Variants in ATP5PF observed in about 807,000 individuals in gnomAD.
The protein encoded by ATP5PF is ATP synthase peripheral stalk subunit F6, mitochondrial.
Under a neutral mutation model 12.0 loss-of-function variants are expected in ATP5PF, and 7 were observed. That is an observed-to-expected ratio of 0.58 (90% CI 0.33 to 1.10). The LOEUF (loss-of-function observed/expected upper bound fraction) is 1.10, where lower values mean the gene tolerates loss of function less well. Ranked by LOEUF, ATP5PF falls within the 50% of genes least tolerant of loss-of-function variation. The pLI is 0.03. For synonymous variants in ATP5PF, 41 were observed against 45.4 expected, an observed-to-expected ratio of 0.90 and a Z score of 0.39; for missense variants, 120 against 127.7, an observed-to-expected ratio of 0.94 and a Z score of 0.29.
chr21:25,728,630 T>G (rs2034678124), intron 2 of ATP5PF, among the ~76,000 whole-genome samples: 1 of 152,190 alleles, frequency 6.6e-6, no homozygotes, highest in South Asian at 2.1e-4. Flanking sequence ...GAAAATGATG[T>G]GAGTAAATTC....
At chr21:25,735,050 A>AC (rs1353297029), upstream of ATP5PF, 2 of 1,314,556 alleles carry the variant, frequency 1.5e-6, no homozygotes, top group Admixed American at 4.0e-5. Flanking sequence ...ACAGAAGCCA[A>AC]ACAGGAGGAG....
At chr21:25,731,948 CTTCA>C (rs1206779468) in intron 1 of ATP5PF, among the ~76,000 whole-genome samples, 2 of 152,102 alleles carry the variant, frequency 1.3e-5, no homozygotes, top group African/African-American at 2.4e-5. Context: ...TTTTAAGTGA[CTTCA>C]TTGTTTTGTT....
intron 3 of ATP5PF, chr21:25,724,916 TC>T (rs2034575936): frequency 3.4e-6 from 2 of 583,984 alleles, no homozygotes; most frequent in East Asian, 6.2e-5. Context: ...ACTATAATTC[TC>T]CCCAAATGTC....
intron 2 of ATP5PF, among the ~76,000 whole-genome samples, chr21:25,726,947 C>T (rs1205954499): frequency 6.6e-6 from 1 of 152,160 alleles, no homozygotes; most frequent in African/African-American, 2.4e-5. Context: ...ATCAATATTT[C>T]TTGTTAGAGA....
rs865802985 is a variant in ATP5PF, at chr21:25,734,239, G to A, written c.-8+614C>T. On this transcript the variant is annotated intron_variant, in intron 1 of 3. Transcript: ENST00000284971. Reference sequence around the variant, plus strand: ...CATATGATAGCGTCTGACATGATCAGAAAGACTGGGGAAGGCAACAGTAAG... The same window carrying A: ...CATATGATAGCGTCTGACATGATCAAAAAGACTGGGGAAGGCAACAGTAAG... 105 of 827,508 alleles carry A rather than the reference G, an allele frequency of 1.3e-4. No homozygotes were observed. In the Middle Eastern group the frequency reaches 4.3e-3, roughly 34 times the overall value. The allele number at this position is 827,508 out of a possible 1,614,324, so 51.3% of individuals were successfully genotyped here.
At chr21:25,726,683 A>G (rs1477366314) in intron 2 of ATP5PF, among the ~76,000 whole-genome samples, 2 of 152,338 alleles carry the variant, frequency 1.3e-5, no homozygotes, top group East Asian at 1.9e-4. Flanking sequence ...GGGAAAATAA[A>G]TATAGCATTA....
chr21:25,725,730 C>T (rs1026881208), intron 2 of ATP5PF, among the ~76,000 whole-genome samples: 6 of 152,248 alleles, frequency 3.9e-5, no homozygotes, highest in African/African-American at 1.4e-4. Context: ...TGAGCCACCA[C>T]ACCCGGCCAA....
chr21:25,734,817 A>G, intron 1 of ATP5PF, 36 bp downstream of exon 1: 7 of 1,523,130 alleles, frequency 4.6e-6, no homozygotes, highest in Non-Finnish European at 6.2e-6. Flanking sequence ...CTGGAGTCCC[A>G]AAAGGCCACG....
At chr21:25,731,816 G>A (rs1169813998) in intron 1 of ATP5PF, among the ~76,000 whole-genome samples, 1 of 152,158 alleles carries the variant, frequency 6.6e-6, no homozygotes, top group East Asian at 1.9e-4. Context: ...CAGGCGAGGT[G>A]GCTCATGCCT....
At chr21:25,725,162 AG>A in intron 3 of ATP5PF, 63 bp downstream of exon 3, 1 of 1,536,934 alleles carries the variant, frequency 6.5e-7, no homozygotes, top group Admixed American at 2.0e-5. Flanking sequence ...CTAAAAATCC[AG>A]GTAAGTGTAA....
At chr21:25,727,995 C>A (rs2034662081) in intron 2 of ATP5PF, among the ~76,000 whole-genome samples, 1 of 152,114 alleles carries the variant, frequency 6.6e-6, no homozygotes, top group African/African-American at 2.4e-5. Context: ...TTGTTAGTTA[C>A]CTCGCCTCAA....
At chr21:25,734,445 C>G in intron 1 of ATP5PF, 1 of 908,506 alleles carries the variant, frequency 1.1e-6, no homozygotes, top group Non-Finnish European at 1.3e-6. Context: ...TGCAAACTTT[C>G]AATATTATGA....
Position 25,725,283 on chromosome 21 carries a change from G to A in ATP5PF, c.232C>T (p.Leu78Phe). 1 of 1,613,276 alleles carries A rather than the reference G, an allele frequency of 6.2e-7. No homozygotes were observed. The highest frequency in any genetic ancestry group is 2.2e-5 in the East Asian group (1 of 44,852). The change falls in exon 3 of 4, where the codon CTC becomes TTC. Residue 78 changes from leucine to phenylalanine, a missense_variant. Leu to Phe is a conservative substitution (Grantham distance 22). Coordinates refer to ENST00000284971, the MANE Select transcript of ATP5PF (RefSeq NM_001003703.2). ...QQELERELFKLKQMFGNADMN... is the reference protein window; with the variant it reads ...QQELERELFKFKQMFGNADMN... Reference sequence around the variant, plus strand: ...TCTGCATTACCAAACATTTGCTTGAGCTTAAAAAGCTCCCTCTCCAGCTCT... The same window carrying A: ...TCTGCATTACCAAACATTTGCTTGAACTTAAAAAGCTCCCTCTCCAGCTCT...
chr21:25,724,943 C>T (rs1303395630), intron 3 of ATP5PF: 6 of 583,898 alleles, frequency 1.0e-5, no homozygotes, highest in Admixed American at 3.6e-5. Flanking sequence ...AGGAGACATG[C>T]ACCAGTTAAT....
intron 2 of ATP5PF, among the ~76,000 whole-genome samples, chr21:25,728,483 C>T (rs1206455514): frequency 6.6e-6 from 1 of 152,120 alleles, no homozygotes; most frequent in Non-Finnish European, 1.5e-5. Context: ...TTCTTTCCTC[C>T]TAAAAGATAC....
chr21:25,732,994 A>AAG lies in ATP5PF; in HGVS notation c.-8+1858_-8+1859insCT, dbSNP rs1394098521. Among the ~76,000 whole-genome samples the AAG allele has an allele frequency of 4.7e-5, 7 of 150,230 alleles. No homozygotes were observed. In the East Asian group the frequency reaches 1.4e-3, roughly 29 times the overall value. On this transcript the variant is annotated intron_variant, in intron 1 of 3. Coordinates refer to ENST00000284971, the MANE Select transcript of ATP5PF (RefSeq NM_001003703.2). ...GAGTGAAACTCTGTCTCAAAAAAAA[A>AAG]AAAAAAAAAAAAAAAAAAGAAATCC...
chr21:25,732,589 T>C (rs990478078), intron 1 of ATP5PF, among the ~76,000 whole-genome samples: 12 of 148,636 alleles, frequency 8.1e-5, no homozygotes, highest in African/African-American at 3.0e-4. Context: ...GAAGCTGCAG[T>C]GAGCTGTGAT....
In ATP5PF at chr21:25,725,330, T is replaced by G. The variant is rs182225698; in HGVS notation, c.185A>C (p.Asp62Ala). The G allele has an allele frequency of 1.2e-6, 2 of 1,606,206 alleles. No homozygotes were observed. The highest frequency in any genetic ancestry group is 2.2e-5 in the East Asian group (1 of 44,694). Residue 62 changes from aspartate to alanine, a missense_variant, in exon 3 of 4, where the codon GAT becomes GCT. Asp to Ala is a moderately radical substitution (Grantham distance 126, BLOSUM62 -2). Transcript: ENST00000284971. ...CTCTTGCTGATACTCTGAACTAGCA[T>G]CAACAGGTCCTCCAGATGTCCTGTT... Reference protein sequence around the residue: ...SKRQTSGGPVDASSEYQQELE... With the variant: ...SKRQTSGGPVAASSEYQQELE...
At chr21:25,724,882 C>T in intron 3 of ATP5PF, 2 of 600,810 alleles carry the variant, frequency 3.3e-6, no homozygotes, top group South Asian at 4.2e-5. Context: ...TATATTATGT[C>T]ATTTAACTAC....
Sources: gnomAD v4.1 joint callset for allele counts (sites outside exome capture counted in the v4.1 genomes callset) on GRCh38, gnomAD v4.1.1 for gene constraint, MANE v1.5 for transcripts, NCBI Gene and HGNC (gene_info 2026-07-23, HGNC 2026-07-21) for gene names.